SCD5: variants seen among roughly 807,000 people sequenced by gnomAD.
SCD5 encodes the protein stearoyl-CoA desaturase 5.
A neutral mutation model predicts 30.4 loss-of-function variants in SCD5; 20 were observed. The observed-to-expected ratio is 0.66, with a 90% CI of 0.46 to 0.96. The LOEUF (loss-of-function observed/expected upper bound fraction) is 0.96, where lower values mean the gene tolerates loss of function less well. Among genes scored for constraint, SCD5 ranks in the 40% least tolerant of loss-of-function variants. The pLI, the probability that SCD5 is intolerant of heterozygous loss-of-function variation, is 0.00. For synonymous variants in SCD5, 173 were observed against 176.4 expected, an observed-to-expected ratio of 0.98 and a Z score of 0.16; for missense variants, 381 against 443.3, an observed-to-expected ratio of 0.86 and a Z score of 1.26.
chr4:82,700,092 C>G (rs1339310348), intron 2 of SCD5, among the ~76,000 whole-genome samples: 1 of 151,948 alleles, frequency 6.6e-6, no homozygotes, highest in African/African-American at 2.4e-5. Context: ...TGGCGCGCAC[C>G]TGTAATCCCA....
At chr4:82,717,174 A>C (rs2148831034) in intron 1 of SCD5, among the ~76,000 whole-genome samples, 1 of 151,950 alleles carries the variant, frequency 6.6e-6, no homozygotes, top group Admixed American at 6.5e-5. Flanking sequence ...TATTACTGCA[A>C]ACACCATTAT....
At chr4:82,694,052 G>T (rs1295264002) in intron 2 of SCD5, among the ~76,000 whole-genome samples, 2 of 152,184 alleles carry the variant, frequency 1.3e-5, no homozygotes, top group Non-Finnish European at 2.9e-5. Flanking sequence ...CTGGGCTCTT[G>T]GGTCCGAGGC....
intron 1 of SCD5, among the ~76,000 whole-genome samples, chr4:82,750,627 G>A (rs1255949681): frequency 2.0e-5 from 3 of 150,860 alleles, no homozygotes; most frequent in African/African-American, 4.9e-5. Flanking sequence ...AGCCACAAGA[G>A]AGCTGCTTGT....
At chr4:82,749,569 G>C (rs370362868) in intron 1 of SCD5, among the ~76,000 whole-genome samples, 7 of 152,310 alleles carry the variant, frequency 4.6e-5, no homozygotes, top group Admixed American at 2.6e-4. Context: ...AACAACACAA[G>C]TTGGGCCAAA....
At chr4:82,709,432 G>A (rs1409567624) in intron 1 of SCD5, among the ~76,000 whole-genome samples, 2 of 152,214 alleles carry the variant, frequency 1.3e-5, no homozygotes, top group African/African-American at 4.8e-5. Flanking sequence ...TAATGACAAA[G>A]TATGGAAAGT....
At position 82,765,108 on chromosome 4, in the gene SCD5, A is replaced by G. The variant is rs142461990; in HGVS notation, c.232+33198T>C. On this transcript the variant is annotated intron_variant, in intron 1 of 4. Coordinates refer to ENST00000319540, the MANE Select transcript of SCD5 (RefSeq NM_001037582.3). ...TGTTGCTGTTTAATCCTTTATTTTG[A>G]TCAAGATTTCCAGTTGGTAGATTTT... 8.5e-5 allele frequency among the ~76,000 whole-genome samples: 13 copies of G among 152,266 alleles called. No individual in the cohort carries two copies. The East Asian group carries it at 2.5e-3, about 29-fold the overall frequency.
chr4:82,654,717 A>G (rs1727833918), intron 3 of SCD5, among the ~76,000 whole-genome samples: 1 of 152,136 alleles, frequency 6.6e-6, no homozygotes, highest in Non-Finnish European at 1.5e-5. Context: ...GGCACTCTGC[A>G]ACTTGTCTGG....
intron 1 of SCD5, among the ~76,000 whole-genome samples, chr4:82,774,111 A>G (rs1721687981): frequency 6.6e-6 from 1 of 151,836 alleles, no homozygotes; most frequent in South Asian, 2.1e-4. Flanking sequence ...AAAAGCACAT[A>G]GAAATACATC....
At chr4:82,735,927 T>C (rs772474805) in intron 1 of SCD5, among the ~76,000 whole-genome samples, 1 of 152,210 alleles carries the variant, frequency 6.6e-6, no homozygotes, top group African/African-American at 2.4e-5. Flanking sequence ...AACTTGTCAA[T>C]GATGTTAAGT....
At chr4:82,644,062 A>T (rs2148813288) in intron 3 of SCD5, among the ~76,000 whole-genome samples, 1 of 152,328 alleles carries the variant, frequency 6.6e-6, no homozygotes, top group East Asian at 1.9e-4. Context: ...GCATCTTAGC[A>T]CACCGTAGTG....
At chr4:82,769,936 C>CA (rs5859829) in intron 1 of SCD5, among the ~76,000 whole-genome samples, 54 of 148,174 alleles carry the variant, frequency 3.6e-4, no homozygotes, top group East Asian at 1.4e-3. Flanking sequence ...CTTACAGAAA[C>CA]AAAAAAAAAA....
chr4:82,689,799 A>G (rs1728792762), intron 2 of SCD5, among the ~76,000 whole-genome samples: 1 of 152,206 alleles, frequency 6.6e-6, no homozygotes, highest in African/African-American at 2.4e-5. Flanking sequence ...TAACCAAATG[A>G]TCAAAGTTCA....
chr4:82,631,602 C>T, intron 4 of SCD5, 85 bp from the exon 5 acceptor site: 2 of 1,436,808 alleles, frequency 1.4e-6, no homozygotes, highest in Non-Finnish European at 1.9e-6. Flanking sequence ...TCAGGGTTTA[C>T]CATGTGCAGG....
chr4:82,674,914 G>C (rs1345230208), intron 3 of SCD5, among the ~76,000 whole-genome samples: 1 of 152,144 alleles, frequency 6.6e-6, no homozygotes, highest in Non-Finnish European at 1.5e-5. Flanking sequence ...ACGACATTCT[G>C]GAAAAAGCAA....
intron 1 of SCD5, among the ~76,000 whole-genome samples, chr4:82,725,288 T>C (rs1234083092): frequency 1.3e-5 from 2 of 152,132 alleles, no homozygotes; most frequent in African/African-American, 4.8e-5. Context: ...CTCCTGATGG[T>C]GATAATCAAA....
chr4:82,645,068 C>A (rs1428911592), intron 3 of SCD5, among the ~76,000 whole-genome samples: 1 of 152,176 alleles, frequency 6.6e-6, no homozygotes, highest in African/African-American at 2.4e-5. Context: ...AATTCCGGCA[C>A]TTTGGAAGGC....
At chr4:82,678,400 A>T (rs1260224440) in intron 3 of SCD5, among the ~76,000 whole-genome samples, 1 of 152,216 alleles carries the variant, frequency 6.6e-6, no homozygotes, top group Non-Finnish European at 1.5e-5. Context: ...ATGAAAAAAA[A>T]TCTTCCATTT....
intron 1 of SCD5, among the ~76,000 whole-genome samples, chr4:82,706,023 T>C (rs1560539236): frequency 6.6e-6 from 1 of 152,364 alleles, no homozygotes; most frequent in East Asian, 1.9e-4. Flanking sequence ...AAATCATTCC[T>C]TACTTGAAAG....
At chr4:82,787,387 C>G (rs1722009877) in intron 1 of SCD5, among the ~76,000 whole-genome samples, 1 of 151,954 alleles carries the variant, frequency 6.6e-6, no homozygotes, top group Non-Finnish European at 1.5e-5. Context: ...CCAGAGTAAC[C>G]TACCGCTCTA....
Sources: allele counts gnomAD v4.1 joint callset (sites outside exome capture counted in the v4.1 genomes callset), GRCh38; gene constraint gnomAD v4.1.1; transcripts MANE v1.5; gene names NCBI Gene and HGNC (gene_info 2026-07-23, HGNC 2026-07-21).